SLC2A9: variants seen among roughly 807,000 people sequenced by gnomAD.
SLC2A9 encodes solute carrier family 2 member 9, also known as solute carrier family 2, facilitated glucose transporter member 9.
A neutral mutation model predicts 50.6 loss-of-function variants in SLC2A9; 39 were observed. That is an observed-to-expected ratio of 0.77 (90% CI 0.60 to 1.01). The LOEUF (loss-of-function observed/expected upper bound fraction) is 1.01, where lower values mean the gene tolerates loss of function less well. Among genes scored for constraint, SLC2A9 ranks in the 50% least tolerant of loss-of-function variants. The pLI is 0.00. For synonymous variants in SLC2A9, 324 were observed against 276.9 expected (o/e 1.17, Z -1.69); for missense variants, 686 against 677.6 (o/e 1.01, Z -0.14).
At chr4:9,817,272 T>G (rs1723735902) in intron 3 of SLC2A9, among the ~76,000 whole-genome samples, 1 of 152,198 alleles carries the variant, frequency 6.6e-6, no homozygotes, top group African/African-American at 2.4e-5. Context: ...CGAAGGTTCT[T>G]AGGATTACGC....
At position 9,974,873 on chromosome 4, in the gene SLC2A9, AC is replaced by A. The variant is rs1754532345; in HGVS notation, c.681+5718del. On this transcript the variant is annotated intron_variant, in intron 5 of 11. Transcript: ENST00000264784. ...CAAGCCATACTGTAAACCTACAGTA[AC>A]CAAAACAGTATGGTACTGGTACAAA... 4.6e-5 allele frequency among the ~76,000 whole-genome samples: 7 copies of A among 152,368 alleles called. No individual in the cohort carries two copies. The South Asian group carries it at 1.5e-3, about 32-fold the overall frequency.
intron 10 of SLC2A9, among the ~76,000 whole-genome samples, chr4:9,871,198 A>G (rs1733371134): frequency 6.6e-6 from 1 of 152,124 alleles, no homozygotes; most frequent in African/African-American, 2.4e-5. Flanking sequence ...TAAGAGTCAG[A>G]TGGTGGAAAT....
intron 5 of SLC2A9, among the ~76,000 whole-genome samples, chr4:9,957,121 G>T (rs1256229213): frequency 6.6e-6 from 1 of 151,946 alleles, no homozygotes; most frequent in Non-Finnish European, 1.5e-5. Context: ...CTTCTTGATG[G>T]GAACCAGAAG....
chr4:9,801,723 G>A (rs73223713), intron 3 of SLC2A9, among the ~76,000 whole-genome samples: 12 of 152,312 alleles, frequency 7.9e-5, no homozygotes, highest in African/African-American at 1.4e-4. Flanking sequence ...CTGTCCCCCC[G>A]AGCAGCAGCT....
chr4:9,884,273 A>AT (rs1267922462), intron 10 of SLC2A9, among the ~76,000 whole-genome samples: 1 of 152,144 alleles, frequency 6.6e-6, no homozygotes, highest in Non-Finnish European at 1.5e-5. Context: ...TTTTTAAACA[A>AT]TTTTTTTAGA....
chr4:9,945,215 C>T (rs1748907534), intron 5 of SLC2A9, among the ~76,000 whole-genome samples: 1 of 152,222 alleles, frequency 6.6e-6, no homozygotes, highest in Admixed American at 6.5e-5. Flanking sequence ...TGAATTCTGC[C>T]TCTACCCCCA....
At chr4:9,931,922 C>CTCTCTCTCTCTCTCTCTCAA (rs1560328322) in intron 6 of SLC2A9, among the ~76,000 whole-genome samples, 2 of 20,458 alleles carry the variant, frequency 9.8e-5, no homozygotes, top group African/African-American at 3.6e-4. Context: ...GACTCTCTCT[C>CTCTCTCTCTCTCTCTCTCAA]TCTCTCTCTC....
At chr4:9,994,564 C>CTTTTT (rs35574155) in intron 3 of SLC2A9, among the ~76,000 whole-genome samples, 10 of 131,826 alleles carry the variant, frequency 7.6e-5, no homozygotes, top group Non-Finnish European at 1.1e-4. Flanking sequence ...TTTCCTTTTC[C>CTTTTT]TTTTTTTTTT....
At chr4:9,847,226 G>A (rs1729127426) in intron 10 of SLC2A9, among the ~76,000 whole-genome samples, 1 of 152,230 alleles carries the variant, frequency 6.6e-6, no homozygotes, top group South Asian at 2.1e-4. Flanking sequence ...CTGCACGGCT[G>A]GAGAAGCCTG....
chr4:9,874,316 A>G (rs1294305467), intron 10 of SLC2A9, among the ~76,000 whole-genome samples: 2 of 152,188 alleles, frequency 1.3e-5, no homozygotes, highest in African/African-American at 4.8e-5. Flanking sequence ...AAACAGAATG[A>G]TCACACCCTG....
chr4:9,828,819 T>C (rs746136615), intron 11 of SLC2A9, among the ~76,000 whole-genome samples: 7 of 152,234 alleles, frequency 4.6e-5, no homozygotes, highest in Non-Finnish European at 7.3e-5. Context: ...TGCCTGTTTA[T>C]TAACCTTCTC....
chr4:10,015,034 G>GT (rs1279230900), intron 2 of SLC2A9, among the ~76,000 whole-genome samples: 1 of 152,190 alleles, frequency 6.6e-6, no homozygotes, highest in African/African-American at 2.4e-5. Context: ...ATTGCTCTAT[G>GT]AGAACCCCGA....
chr4:9,885,508 G>T (rs956377848), intron 10 of SLC2A9, among the ~76,000 whole-genome samples: 1 of 152,150 alleles, frequency 6.6e-6, no homozygotes, highest in Non-Finnish European at 1.5e-5. Flanking sequence ...CTCCTCCAAG[G>T]TTTGTTTTGA....
At chr4:10,003,526 C>T (rs1020041218) in intron 2 of SLC2A9, among the ~76,000 whole-genome samples, 10 of 152,160 alleles carry the variant, frequency 6.6e-5, no homozygotes, top group Admixed American at 6.5e-4. Flanking sequence ...GCCTAGGCCC[C>T]CTGCAGGAAC....
At chr4:10,029,614 TTTAA>T (rs1315454035) in intron 1 of SLC2A9, among the ~76,000 whole-genome samples, 7 of 143,776 alleles carry the variant, frequency 4.9e-5, no homozygotes, top group Admixed American at 6.9e-5. Flanking sequence ...TTTATTTTAT[TTTAA>T]TTATTTTATT....
At chr4:9,972,477 C>T (rs964275401) in intron 5 of SLC2A9, among the ~76,000 whole-genome samples, 1 of 152,206 alleles carries the variant, frequency 6.6e-6, no homozygotes, top group Admixed American at 6.5e-5. Flanking sequence ...TTAATTCCTA[C>T]ATTTATTTCC....
intron 2 of SLC2A9, among the ~76,000 whole-genome samples, chr4:10,012,506 CAAG>C (rs1458612505): frequency 6.6e-6 from 1 of 152,016 alleles, no homozygotes; most frequent in Non-Finnish European, 1.5e-5. Context: ...GGAAGGAGGA[CAAG>C]AAGTAAAGGA....
rs534114386 is a variant in SLC2A9 at position 9,783,664 on chromosome 4, A to G, written n.386-3599T>C. On this transcript the variant is annotated intron_variant and non_coding_transcript_variant, in intron 3 of 3. Transcript: ENST00000503803. ...AAGCAGTTGCAATAAACTCAGTCAA[A>G]TGTACCCAGCCTACCAGAGATGGAC... 6.7e-6 allele frequency: 4 copies of G among 599,242 alleles called. No homozygotes were observed. In the South Asian group the frequency reaches 9.1e-5, roughly 14 times the overall value. 37.1% of individuals were successfully genotyped at this position (599,242 alleles called of 1,614,324 possible). A position where few individuals can be genotyped will look rare whatever the true frequency, so the allele number is the denominator to read the frequency against.
chr4:9,807,079 C>A (rs115132902), intron 3 of SLC2A9, among the ~76,000 whole-genome samples: 2 of 152,082 alleles, frequency 1.3e-5, no homozygotes. Context: ...TAAAAGTAAT[C>A]CCAGATATAG....
Sources: gnomAD v4.1 joint callset for allele counts (sites outside exome capture counted in the v4.1 genomes callset) on GRCh38, gnomAD v4.1.1 for gene constraint, MANE v1.5 for transcripts, NCBI Gene and HGNC (gene_info 2026-07-23, HGNC 2026-07-21) for gene names.